The following NRG3 variants were observed in gnomAD, a reference collection of about 807,000 sequenced individuals.
The protein encoded by NRG3 is pro-neuregulin-3, membrane-bound isoform.
NRG3 carries 31 observed loss-of-function variants against 66.9 expected under a neutral mutation model. That is an observed-to-expected ratio of 0.46 (90% CI 0.35 to 0.63). NRG3 has a LOEUF of 0.63. Ranked by LOEUF, NRG3 falls within the 20% of genes least tolerant of loss-of-function variation. The pLI is 0.00. For missense variants in NRG3, 910 were observed against 878.9 expected (o/e 1.04, Z -0.45); for synonymous variants, 393 against 359.4 (o/e 1.09, Z -1.06).
At chr10:82,753,047 T>C (rs1240679294) in intron 3 of NRG3, among the ~76,000 whole-genome samples, 1 of 152,188 alleles carries the variant, frequency 6.6e-6, no homozygotes, top group Non-Finnish European at 1.5e-5. Flanking sequence ...GGGTGAAATA[T>C]ATGTACCTTT....
At chr10:82,781,874 G>A (rs2060129959) in intron 3 of NRG3, among the ~76,000 whole-genome samples, 1 of 151,742 alleles carries the variant, frequency 6.6e-6, no homozygotes, top group Admixed American at 6.6e-5. Flanking sequence ...AGGGAAAATG[G>A]GTCCATCAGG....
chr10:82,253,119 A>G (rs1376583592), intron 1 of NRG3, among the ~76,000 whole-genome samples: 1 of 152,130 alleles, frequency 6.6e-6, no homozygotes, highest in Non-Finnish European at 1.5e-5. Flanking sequence ...ACCAACAACT[A>G]TATCAGCTCT....
At chr10:82,028,520 G>A (rs1385432183) in intron 1 of NRG3, among the ~76,000 whole-genome samples, 1 of 152,048 alleles carries the variant, frequency 6.6e-6, no homozygotes, top group Non-Finnish European at 1.5e-5. Context: ...GTACTTAGTA[G>A]TTGCTTGTTG....
At chr10:82,521,000 G>A (rs767755464) in intron 2 of NRG3, among the ~76,000 whole-genome samples, 3 of 152,014 alleles carry the variant, frequency 2.0e-5, no homozygotes, top group Admixed American at 6.5e-5. Flanking sequence ...TAAGCATAAG[G>A]CTGCAGCATG....
At chr10:82,348,888 G>A (rs1270554302) in intron 1 of NRG3, among the ~76,000 whole-genome samples, 2 of 146,510 alleles carry the variant, frequency 1.4e-5, no homozygotes, top group East Asian at 2.0e-4. Flanking sequence ...CATTCTTCAC[G>A]TAGTTCTCGA....
At chr10:82,708,213 C>T (rs2056440819) in intron 2 of NRG3, among the ~76,000 whole-genome samples, 1 of 152,038 alleles carries the variant, frequency 6.6e-6, no homozygotes, top group Non-Finnish European at 1.5e-5. Flanking sequence ...TATATCCTCT[C>T]CTTCTGTCCT....
At chr10:82,235,178 C>T (rs1327291198) in intron 1 of NRG3, among the ~76,000 whole-genome samples, 1 of 152,210 alleles carries the variant, frequency 6.6e-6, no homozygotes, top group Non-Finnish European at 1.5e-5. Context: ...TTGTAAGCAA[C>T]AAATTTTTTG....
At chr10:81,913,854 A>C (rs1231976495) in intron 1 of NRG3, among the ~76,000 whole-genome samples, 1 of 152,244 alleles carries the variant, frequency 6.6e-6, no homozygotes. Context: ...GACTTTATGT[A>C]TATAGAAAAA....
Position 81,878,163 on chromosome 10 carries a change from A to C in NRG3, c.823+2000A>C, listed in dbSNP as rs1189230252. The C allele has an allele frequency of 2.2e-6, 3 of 1,366,184 alleles. No homozygotes were observed. The African/African-American group carries it at 4.4e-5, about 20-fold the overall frequency. The allele number at this position is 1,366,184 out of a possible 1,614,324, so 84.6% of individuals were successfully genotyped here. A position where few individuals can be genotyped will look rare whatever the true frequency, so the allele number is the denominator to read the frequency against. On this transcript the variant is annotated intron_variant, in intron 1 of 8. Transcript: ENST00000372141. ...GGACGGGAATGGCAGCCTGTTTAAT[A>C]AGTAATGATTATTGACAGGGCCCTC...
intron 1 of NRG3, among the ~76,000 whole-genome samples, chr10:82,317,939 C>CTTT (rs2081374729): frequency 6.7e-6 from 1 of 150,200 alleles, no homozygotes; most frequent in African/African-American, 2.5e-5. Flanking sequence ...AGTGAATCTA[C>CTTT]ATTTTTTTTT....
chr10:82,218,128 A>G (rs886473689), intron 1 of NRG3, among the ~76,000 whole-genome samples: 1 of 152,224 alleles, frequency 6.6e-6, no homozygotes, highest in South Asian at 2.1e-4. Context: ...TTTAATCTAC[A>G]TGTGAGATAT....
chr10:82,717,683 G>A (rs1021200177), intron 2 of NRG3, among the ~76,000 whole-genome samples: 6 of 152,002 alleles, frequency 3.9e-5, no homozygotes, highest in East Asian at 3.9e-4. Flanking sequence ...GATTACAGGC[G>A]TGAGCCACCA....
intron 2 of NRG3, among the ~76,000 whole-genome samples, chr10:82,495,106 A>G (rs963585847): frequency 6.6e-6 from 1 of 151,676 alleles, no homozygotes; most frequent in African/African-American, 2.4e-5. Flanking sequence ...ACACCCAGCT[A>G]ATTTTTGTAT....
intron 2 of NRG3, among the ~76,000 whole-genome samples, chr10:82,627,934 C>A (rs138271827): frequency 1.3e-5 from 2 of 152,158 alleles, no homozygotes; most frequent in Non-Finnish European, 2.9e-5. Flanking sequence ...AGTGCTTTTC[C>A]GGAATTGCCT....
chr10:81,875,476 G>A lies in NRG3; in HGVS notation c.136G>A (p.Ala46Thr). 7.6e-7 allele frequency: 1 copy of A among 1,321,482 alleles called. No homozygotes were observed. 81.9% of individuals were successfully genotyped at this position (1,321,482 alleles called of 1,614,324 possible). Residue 46 changes from alanine to threonine, a missense_variant, in exon 1 of 9, where the codon GCC becomes ACC. Coordinates refer to ENST00000372141, the MANE Select transcript of NRG3 (RefSeq NM_001010848.4). The surrounding 1 kb of genome is among the most constrained non-coding windows in gnomAD (Gnocchi z 5.3). ...CCCGGACGGCGGCGGCGAAGGGGCG[G>A]CCGAGCCCCCCCGGGAGTTACGCTG... ...GGPDGGGEGA[A>T]EPPRELRCSD...
chr10:82,504,519 A>T (rs1844495113), intron 2 of NRG3, among the ~76,000 whole-genome samples: 1 of 152,188 alleles, frequency 6.6e-6, no homozygotes, highest in Non-Finnish European at 1.5e-5. Flanking sequence ...TCAAAAGGTG[A>T]CCCTAAGGGC....
At chr10:82,495,811 GACACAC>G (rs55671097) in intron 2 of NRG3, among the ~76,000 whole-genome samples, 4 of 144,788 alleles carry the variant, frequency 2.8e-5, no homozygotes, top group Admixed American at 6.9e-5. Context: ...TTAGAGTGCA[GACACAC>G]ACACACACAC....
chr10:82,515,681 C>T (rs184599329), intron 2 of NRG3, among the ~76,000 whole-genome samples: 1 of 152,284 alleles, frequency 6.6e-6, no homozygotes, highest in East Asian at 1.9e-4. Context: ...AATTGTTGAC[C>T]TGCATACAAC....
At chr10:82,866,208 A>G (rs1426491385) in intron 4 of NRG3, among the ~76,000 whole-genome samples, 1 of 147,972 alleles carries the variant, frequency 6.8e-6, no homozygotes, top group Non-Finnish European at 1.5e-5. Flanking sequence ...TTGAATCAAA[A>G]TTCATCTGCT....
Sources: gnomAD v4.1 joint callset for allele counts (sites outside exome capture counted in the v4.1 genomes callset) on GRCh38, gnomAD v4.1.1 for gene constraint, Gnocchi (gnomAD v3.1) non-coding constraint, MANE v1.5 for transcripts, NCBI Gene and HGNC (gene_info 2026-07-23, HGNC 2026-07-21) for gene names.